NBPF9: variants seen among roughly 807,000 people sequenced by gnomAD.
NBPF9 encodes the protein NBPF family member NBPF9.
In NBPF9, 91 loss-of-function variants were observed where a neutral mutation model predicts 97.8. That is an observed-to-expected ratio of 0.93 (90% CI 0.79 to 1.11). The LOEUF is 1.11. Among genes scored for constraint, NBPF9 ranks in the 50% least tolerant of loss-of-function variants. The pLI is 0.00. For synonymous variants in NBPF9, 334 were observed against 359.5 expected (o/e 0.93, Z 0.80); for missense variants, 992 against 939.5 (o/e 1.06, Z -0.73).
At chr1:149,055,634 C>A (rs1553648608) in exon 30 of NBPF9, 6 of 1,611,694 alleles carry the variant, frequency 3.7e-6, no homozygotes, top group South Asian at 3.3e-5. Flanking sequence ...GGAATGACAT[C>A]TCTCGGCTTA....
chr1:149,089,652 A>G (rs2081287510), intron 5 of NBPF9, among the ~76,000 whole-genome samples: 1 of 152,306 alleles, frequency 6.6e-6, no homozygotes, highest in Non-Finnish European at 1.5e-5. Context: ...TGACACTAAT[A>G]TCCCCAAGTC....
In NBPF9 at chr1:149,059,562, A is replaced by G. The variant is rs2078467299; in HGVS notation, c.2585+138T>C. Reference sequence around the variant, plus strand: ...AATGGAAACCTAAACATCTACTGCAATGAAAACCAACAGCAATGACAGTAG... The same window carrying G: ...AATGGAAACCTAAACATCTACTGCAGTGAAAACCAACAGCAATGACAGTAG... On this transcript the variant is annotated intron_variant, in intron 25 of 29. Transcript: ENST00000584027. 3 of 469,786 alleles carry G rather than the reference A, an allele frequency of 6.4e-6. 1 individual carries two copies. Among genetic ancestry groups the G allele is most frequent in the Admixed American group, 6.7e-5 (2 of 29,800 alleles). The allele number at this position is 469,786 out of a possible 1,614,324, so 29.1% of individuals were successfully genotyped here.
At chr1:149,072,961 G>C in intron 13 of NBPF9, 29 bp from the exon 14 acceptor site, 1 of 1,601,538 alleles carries the variant, frequency 6.2e-7, no homozygotes, top group South Asian at 1.1e-5. Context: ...GAAAAATTAA[G>C]AGTGGAAAGG....
At chr1:149,101,977 G>C (rs1251522721) in intron 2 of NBPF9, among the ~76,000 whole-genome samples, 21 of 123,046 alleles carry the variant, frequency 1.7e-4, no homozygotes, top group African/African-American at 6.5e-4. Flanking sequence ...CACCCAGGCG[G>C]GAGTGCACTG....
chr1:149,071,347 C>G (rs1247483073), intron 15 of NBPF9, among the ~76,000 whole-genome samples: 5 of 151,398 alleles, frequency 3.3e-5, no homozygotes, highest in Admixed American at 6.6e-5. Context: ...AGAGCAGCTG[C>G]TGTTCATTGC....
chr1:149,090,065 G>A (rs1364705640), intron 5 of NBPF9: 4 of 151,444 alleles, frequency 2.6e-5, no homozygotes, highest in African/African-American at 4.9e-5. Context: ...AAGCTGATGG[G>A]AGTTTATTTC....
At position 149,070,296 on chromosome 1, in the gene NBPF9, G is replaced by C. The variant is rs1458235407; in HGVS notation, c.1585+638C>G. On this transcript the variant is annotated intron_variant, in intron 16 of 29. Transcript: ENST00000584027. ...AGATGGTGCCACTGTACTCCAGCCT[G>C]GGTGACAGAGCAAGACTCCATCGCA... 3.5e-5 allele frequency among the ~76,000 whole-genome samples: 5 copies of C among 144,126 alleles called. No homozygotes were observed. In the Admixed American group the frequency reaches 3.6e-4, roughly 10 times the overall value. The allele number at this position is 144,126 out of a possible 152,430, so 94.6% of individuals were successfully genotyped here. A position where few individuals can be genotyped will look rare whatever the true frequency, so the allele number is the denominator to read the frequency against.
chr1:149,079,212 T>C (rs781793660), exon 9 of NBPF9: 5 of 867,488 alleles, frequency 5.8e-6, no homozygotes, highest in Non-Finnish European at 7.9e-6. Flanking sequence ...GAACCAGGAC[T>C]TTATATTGCC....
rs1241741897 is a variant in NBPF9, at chr1:149,063,524, C to G, written c.2026+109G>C. 4.0e-5 allele frequency: 28 copies of G among 701,108 alleles called. 1 individual carries two copies. The highest frequency in any genetic ancestry group is 6.6e-5 in the Non-Finnish European group (26 of 393,178). 43.4% of individuals were successfully genotyped at this position (701,108 alleles called of 1,614,324 possible). On this transcript the variant is annotated intron_variant, in intron 20 of 29. Transcript: ENST00000584027. The stretch of plus-strand genomic sequence containing the variant: ...CAACGTACATGTGCCTATAGGTCCT[C>G]CCTGTGGCAATGACATCTCTCAGCT...
intron 10 of NBPF9, 26 bp downstream of exon 10, chr1:149,077,857 A>C (rs782216867): frequency 6.3e-7 from 1 of 1,588,204 alleles, no homozygotes; most frequent in East Asian, 2.2e-5. Flanking sequence ...ACCACCCATT[A>C]CTTGCTCCTG....
At chr1:149,055,972 A>T in intron 29 of NBPF9, 73 bp from the exon 30 acceptor site, 1 of 1,611,720 alleles carries the variant, frequency 6.2e-7, no homozygotes, top group South Asian at 1.1e-5. Context: ...AGATTTCAGA[A>T]GTAACATAAG....
intron 5 of NBPF9, among the ~76,000 whole-genome samples, chr1:149,086,848 G>A (rs1218200712): frequency 6.6e-6 from 1 of 152,058 alleles, no homozygotes; most frequent in East Asian, 1.9e-4. Flanking sequence ...CCCTCAGGTT[G>A]GTCTGGAAAC....
intron 3 of NBPF9, among the ~76,000 whole-genome samples, chr1:149,100,546 C>T (rs1274208305): frequency 5.3e-5 from 8 of 150,868 alleles, no homozygotes; most frequent in East Asian, 2.0e-4. Flanking sequence ...TGCAGTCATC[C>T]GATTTAAGAA....
chr1:149,056,020 G>C lies in NBPF9; in HGVS notation c.3093-121C>G. 4 of 1,584,974 alleles carry C rather than the reference G, an allele frequency of 2.5e-6. No individual in the cohort carries two copies. In the South Asian group the frequency reaches 4.7e-5, roughly 19 times the overall value. ...AAAGAAAAAGGATAGATCCATTAAT[G>C]AGGTAAAAAAAAAAATTTATTGCCT... On this transcript the variant is annotated intron_variant, in intron 29 of 29. Coordinates refer to ENST00000584027, the Ensembl canonical transcript of NBPF9.
intron 14 of NBPF9, among the ~76,000 whole-genome samples, chr1:149,072,133 C>T (rs1403214564): frequency 4.0e-5 from 6 of 150,680 alleles, no homozygotes; most frequent in Admixed American, 6.6e-5. Context: ...TCTTCAGGGA[C>T]ATTCTATCCA....
At chr1:149,071,903 G>C (rs1444226798) in intron 14 of NBPF9, among the ~76,000 whole-genome samples, 4 of 151,856 alleles carry the variant, frequency 2.6e-5, no homozygotes, top group Non-Finnish European at 2.9e-5. Context: ...ATATTGAAAA[G>C]ACCTTTCGCT....
At chr1:149,071,042 G>T in exon 16 of NBPF9, 3 of 1,611,578 alleles carry the variant, frequency 1.9e-6, no homozygotes, top group South Asian at 1.1e-5. Flanking sequence ...CTATGTGGCT[G>T]GTTGGAGTCA....
At chr1:149,099,808 A>C (rs1230002701) in intron 3 of NBPF9, among the ~76,000 whole-genome samples, 1 of 151,520 alleles carries the variant, frequency 6.6e-6, no homozygotes, top group Non-Finnish European at 1.5e-5. Flanking sequence ...ACTACAGGAA[A>C]ACCCTGTCTA....
rs1426186794 is a variant in NBPF9, at chr1:149,077,475, C to T, written c.567-56G>A. ...AAGATTAAACACAGAGGGATTGGAC[C>T]CCAGGGAGTACTAGCTGGTTTTGAC... On this transcript the variant is annotated intron_variant, in intron 10 of 29. Coordinates refer to ENST00000584027, the Ensembl canonical transcript of NBPF9. 4.4e-6 allele frequency: 7 copies of T among 1,601,310 alleles called. 1 individual carries two copies. Among genetic ancestry groups the T allele is most frequent in the Non-Finnish European group, 6.0e-6 (7 of 1,170,454 alleles).
Sources: gnomAD v4.1 joint callset for allele counts (sites outside exome capture counted in the v4.1 genomes callset) on GRCh38, gnomAD v4.1.1 for gene constraint, MANE v1.5 for transcripts, NCBI Gene and HGNC (gene_info 2026-07-23, HGNC 2026-07-21) for gene names.